ADGRB3: variants seen among roughly 807,000 people sequenced by gnomAD.
ADGRB3 encodes brain-specific angiogenesis inhibitor 3.
Under a neutral mutation model 193.4 loss-of-function variants are expected in ADGRB3, and 37 were observed. The ratio of observed to expected loss-of-function variants is 0.19; its 90% CI spans 0.15 to 0.25. The LOEUF (loss-of-function observed/expected upper bound fraction) is 0.25, where lower values mean the gene tolerates loss of function less well. ADGRB3 is among the 10% of genes least tolerant of loss of function. The pLI is 1.00. For missense variants in ADGRB3, 1,637 were observed against 1,852.9 expected, an observed-to-expected ratio of 0.88 and a Z score of 2.14; for synonymous variants, 690 against 644.2, an observed-to-expected ratio of 1.07 and a Z score of -1.08.
chr6:68,678,270 C>T (rs2127297039), intron 3 of ADGRB3, among the ~76,000 whole-genome samples: 1 of 152,274 alleles, frequency 6.6e-6, no homozygotes, highest in Middle Eastern at 3.4e-3. Context: ...CATATGCAGC[C>T]TTATCCATCA....
chr6:68,972,837 T>A (rs1328556844), intron 8 of ADGRB3, among the ~76,000 whole-genome samples: 2 of 152,086 alleles, frequency 1.3e-5, no homozygotes, highest in African/African-American at 4.8e-5. Flanking sequence ...TGGAGGAGTG[T>A]TGGAGAATGG....
intron 17 of ADGRB3, among the ~76,000 whole-genome samples, 167 bp downstream of exon 17, chr6:69,076,205 G>A (rs1023339346): frequency 2.0e-5 from 3 of 152,044 alleles, no homozygotes; most frequent in African/African-American, 7.2e-5. Flanking sequence ...GAATGTGTTT[G>A]TGTGTAATGA....
intron 11 of ADGRB3, among the ~76,000 whole-genome samples, chr6:69,011,968 G>A (rs1383979696): frequency 6.6e-6 from 1 of 152,058 alleles, no homozygotes; most frequent in African/African-American, 2.4e-5. Context: ...ACATTTGTTG[G>A]CCTTGAAGAA....
intron 3 of ADGRB3, among the ~76,000 whole-genome samples, chr6:68,774,952 G>A (rs1293562951): frequency 3.9e-5 from 6 of 152,002 alleles, no homozygotes; most frequent in Non-Finnish European, 8.8e-5. Context: ...TTGGAAGGAG[G>A]AGTTCTGGAA....
intron 17 of ADGRB3, among the ~76,000 whole-genome samples, chr6:69,172,131 T>TA (rs1239079823): frequency 6.6e-6 from 1 of 152,208 alleles, no homozygotes; most frequent in East Asian, 1.9e-4. Context: ...GGGGCTATCA[T>TA]ATGAGCTTTG....
At chr6:69,341,670 T>C (rs981268372) in intron 26 of ADGRB3, among the ~76,000 whole-genome samples, 7 of 152,116 alleles carry the variant, frequency 4.6e-5, no homozygotes, top group South Asian at 2.1e-4. Flanking sequence ...AAGAGGAAAT[T>C]GAATAATAAT....
intron 30 of ADGRB3, among the ~76,000 whole-genome samples, chr6:69,376,086 T>TA (rs1769813344): frequency 8.0e-6 from 1 of 125,484 alleles, no homozygotes. Flanking sequence ...TGTAGCCTTT[T>TA]TTTTTTTTTT....
At chr6:69,351,732 A>C (rs1391370911) in intron 26 of ADGRB3, among the ~76,000 whole-genome samples, 1 of 152,172 alleles carries the variant, frequency 6.6e-6, no homozygotes, top group Non-Finnish European at 1.5e-5. Context: ...AAAGACGTGG[A>C]TTTCTTTTAC....
At chr6:68,917,351 C>T (rs1233687978) in intron 3 of ADGRB3, among the ~76,000 whole-genome samples, 1 of 152,208 alleles carries the variant, frequency 6.6e-6, no homozygotes. Flanking sequence ...CATCCCAAAT[C>T]ATTAGAAAGT....
intron 26 of ADGRB3, among the ~76,000 whole-genome samples, chr6:69,343,971 A>G (rs1205908752): frequency 1.3e-5 from 2 of 152,212 alleles, no homozygotes; most frequent in African/African-American, 4.8e-5. Context: ...GAAGGACACA[A>G]GAGTTATGAA....
At chr6:68,771,413 T>C (rs926577396) in intron 3 of ADGRB3, among the ~76,000 whole-genome samples, 6 of 144,356 alleles carry the variant, frequency 4.2e-5, no homozygotes, top group African/African-American at 7.4e-5. Flanking sequence ...CACACACACA[T>C]ATATGTATAC....
At chr6:69,143,481 C>T (rs1774396616) in intron 17 of ADGRB3, among the ~76,000 whole-genome samples, 1 of 152,166 alleles carries the variant, frequency 6.6e-6, no homozygotes. Context: ...CAGAGATTTT[C>T]CTCACAGTTT....
At chr6:69,011,522 A>G (rs911953436) in intron 11 of ADGRB3, among the ~76,000 whole-genome samples, 1 of 151,884 alleles carries the variant, frequency 6.6e-6, no homozygotes, top group Non-Finnish European at 1.5e-5. Context: ...AAACCTAACT[A>G]CTGGCTACTG....
chr6:68,814,146 T>G (rs1767577268), intron 3 of ADGRB3, among the ~76,000 whole-genome samples: 1 of 152,210 alleles, frequency 6.6e-6, no homozygotes, highest in African/African-American at 2.4e-5. Context: ...ACTTCCACAA[T>G]GGTTGAACTA....
At chr6:69,196,524 TC>T (rs1244771259) in intron 17 of ADGRB3, among the ~76,000 whole-genome samples, 1 of 152,154 alleles carries the variant, frequency 6.6e-6, no homozygotes, top group East Asian at 1.9e-4. Context: ...TAGCCTTTTC[TC>T]TGCAAATGCA....
chr6:69,372,787 T>C (rs931214336), intron 30 of ADGRB3, among the ~76,000 whole-genome samples: 1 of 152,062 alleles, frequency 6.6e-6, no homozygotes, highest in Non-Finnish European at 1.5e-5. Context: ...AGCAATTTTC[T>C]TGGTTTTACT....
intron 3 of ADGRB3, among the ~76,000 whole-genome samples, chr6:68,780,944 A>G (rs1246057200): frequency 2.0e-5 from 3 of 152,162 alleles, no homozygotes; most frequent in African/African-American, 7.2e-5. Context: ...TAATTATTTT[A>G]TTCTGTTTTA....
intron 3 of ADGRB3, among the ~76,000 whole-genome samples, chr6:68,895,635 A>G (rs945959405): frequency 6.6e-6 from 1 of 152,052 alleles, no homozygotes. Flanking sequence ...TTACTGTATT[A>G]TACAGTGTGC....
chr6:69,310,989 C>A lies in ADGRB3; in HGVS notation c.2815-13883C>A, dbSNP rs537164391. 2.6e-5 allele frequency among the ~76,000 whole-genome samples: 4 copies of A among 151,810 alleles called. No homozygotes were observed. The East Asian group carries it at 7.8e-4, about 30-fold the overall frequency. On this transcript the variant is annotated intron_variant, in intron 20 of 31. Coordinates refer to ENST00000370598, the MANE Select transcript of ADGRB3 (RefSeq NM_001704.3). Reference sequence around the variant, plus strand: ...ACCCTGACCATAGTTATTTTTCCCACATGCTGAGAAACTGAGAAACTAACC... The same window carrying A: ...ACCCTGACCATAGTTATTTTTCCCAAATGCTGAGAAACTGAGAAACTAACC...
Sources: allele counts gnomAD v4.1 joint callset (sites outside exome capture counted in the v4.1 genomes callset), GRCh38; gene constraint gnomAD v4.1.1; transcripts MANE v1.5; gene names NCBI Gene and HGNC (gene_info 2026-07-23, HGNC 2026-07-21).